The following CAMKMT variants were observed in gnomAD, a reference collection of about 807,000 sequenced individuals.
CAMKMT encodes calmodulin-lysine N-methyltransferase, also known as CaM KMT.
A neutral mutation model predicts 48.0 loss-of-function variants in CAMKMT; 53 were observed. The observed-to-expected ratio is 1.10, with a 90% CI of 0.89 to 1.39. The LOEUF (loss-of-function observed/expected upper bound fraction) is 1.39. Ranked by LOEUF, CAMKMT falls within the 40% of genes most tolerant of loss-of-function variation. CAMKMT has a pLI of 0.00. For missense variants in CAMKMT, 428 were observed against 402.7 expected (o/e 1.06, Z -0.54); for synonymous variants, 165 against 152.3 (o/e 1.08, Z -0.61).
rs141623387 is a variant in CAMKMT at position 44,670,330 on chromosome 2, A to G, written c.377-33953A>G. ...TGTGGTGGCTCCACCTATAATCTCA[A>G]TACTTTTGGAGGCTGAGGCAGGAGG... On this transcript the variant is annotated intron_variant, in intron 3 of 10. Coordinates refer to ENST00000378494, the MANE Select transcript of CAMKMT (RefSeq NM_024766.5). 3.9e-5 allele frequency among the ~76,000 whole-genome samples: 6 copies of G among 152,202 alleles called. No homozygotes were observed. In the East Asian group the frequency reaches 9.7e-4, roughly 25 times the overall value.
intron 9 of CAMKMT, among the ~76,000 whole-genome samples, chr2:44,762,122 A>C (rs995260127): frequency 1.3e-5 from 2 of 152,254 alleles, no homozygotes; most frequent in Non-Finnish European, 2.9e-5. Flanking sequence ...AAGAGAAGCT[A>C]CAAAAGGAGA....
chr2:44,383,275 C>T (rs1386085524), intron 2 of CAMKMT, among the ~76,000 whole-genome samples: 2 of 152,120 alleles, frequency 1.3e-5, no homozygotes, highest in Non-Finnish European at 2.9e-5. Flanking sequence ...AGCAATTCTC[C>T]TGCCTCAGCC....
intron 3 of CAMKMT, among the ~76,000 whole-genome samples, chr2:44,547,933 C>T (rs1052468060): frequency 1.3e-5 from 2 of 152,134 alleles, no homozygotes; most frequent in African/African-American, 4.8e-5. Flanking sequence ...TCCTGCAGTA[C>T]TGTCTCTCAT....
rs985610060 is a variant in CAMKMT, at chr2:44,432,982, A to G, written c.376+42677A>G. ...GGTAAATGCTCAGTAAATATCAGCT[A>G]TAATAAAACATGACATAGTAATCAT... On this transcript the variant is annotated intron_variant, in intron 3 of 10. Coordinates refer to ENST00000378494, the MANE Select transcript of CAMKMT (RefSeq NM_024766.5). Among the ~76,000 whole-genome samples, 6 of 152,220 alleles carry G rather than the reference A, an allele frequency of 3.9e-5. No homozygotes were observed. The East Asian group carries it at 5.8e-4, about 15-fold the overall frequency.
At chr2:44,693,636 G>T in intron 3 of CAMKMT, among the ~76,000 whole-genome samples, 1 of 152,188 alleles carries the variant, frequency 6.6e-6, no homozygotes, top group East Asian at 1.9e-4. Flanking sequence ...AATATTTGAG[G>T]AGCATTCTGT....
intron 2 of CAMKMT, among the ~76,000 whole-genome samples, chr2:44,388,984 C>T (rs918160224): frequency 2.7e-4 from 41 of 152,126 alleles, no homozygotes; most frequent in Non-Finnish European, 2.9e-5. Context: ...GCTGGTTGAC[C>T]TCCTGCTGGG....
intron 3 of CAMKMT, among the ~76,000 whole-genome samples, chr2:44,482,658 T>C (rs543356302): frequency 6.6e-6 from 1 of 152,292 alleles, no homozygotes; most frequent in South Asian, 2.1e-4. Flanking sequence ...TCTTCAGACT[T>C]CTGGACCCTA....
At chr2:44,601,009 TTA>T (rs1392912183) in intron 3 of CAMKMT, among the ~76,000 whole-genome samples, 3 of 152,130 alleles carry the variant, frequency 2.0e-5, no homozygotes, top group Non-Finnish European at 2.9e-5. Flanking sequence ...TATCCTAAAT[TTA>T]GGGAGGGAAT....
chr2:44,704,964 A>G (rs141670822), intron 4 of CAMKMT, among the ~76,000 whole-genome samples: 60 of 152,276 alleles, frequency 3.9e-4, no homozygotes, highest in African/African-American at 1.3e-3. Flanking sequence ...TTTATTTGAA[A>G]ATTCTAAAGA....
intron 3 of CAMKMT, among the ~76,000 whole-genome samples, chr2:44,645,394 A>C (rs1673677467): frequency 6.6e-6 from 1 of 152,196 alleles, no homozygotes; most frequent in Non-Finnish European, 1.5e-5. Context: ...GATTAGTGTG[A>C]GGGTGAGCCC....
intron 3 of CAMKMT, among the ~76,000 whole-genome samples, chr2:44,660,615 T>C (rs114081627): frequency 0.015 from 2,208 of 152,262 alleles, 51 homozygotes; most frequent in African/African-American, 0.051. Context: ...GGCCAATATA[T>C]TTTTTTGTTT....
At chr2:44,767,964 AC>A (rs1466118674) in intron 10 of CAMKMT, among the ~76,000 whole-genome samples, 1 of 152,126 alleles carries the variant, frequency 6.6e-6, no homozygotes, top group Non-Finnish European at 1.5e-5. Context: ...GGGTTTCTCC[AC>A]CAGCAAAGAC....
chr2:44,738,091 T>C (rs1158572048), intron 7 of CAMKMT, among the ~76,000 whole-genome samples: 1 of 152,032 alleles, frequency 6.6e-6, no homozygotes, highest in South Asian at 2.1e-4. Context: ...CCTGACCTCA[T>C]GATCCACCCG....
At chr2:44,479,575 C>G (rs1668863451) in intron 3 of CAMKMT, among the ~76,000 whole-genome samples, 2 of 152,116 alleles carry the variant, frequency 1.3e-5, no homozygotes, top group South Asian at 4.1e-4. Flanking sequence ...ATTTCTGTCC[C>G]CAGTAGAGGG....
intron 7 of CAMKMT, among the ~76,000 whole-genome samples, chr2:44,728,837 T>G (rs964186171): frequency 6.9e-6 from 1 of 145,138 alleles, no homozygotes; most frequent in African/African-American, 2.5e-5. Context: ...AGGGGGTCTA[T>G]CCTTTTTTTT....
intron 3 of CAMKMT, among the ~76,000 whole-genome samples, chr2:44,649,992 A>G (rs17032484): frequency 0.017 from 2,660 of 152,318 alleles, 71 homozygotes; most frequent in African/African-American, 0.053. Flanking sequence ...AGCAAGAAAT[A>G]CAACTTCTCC....
At chr2:44,628,962 T>C (rs1672651624) in intron 3 of CAMKMT, among the ~76,000 whole-genome samples, 1 of 152,212 alleles carries the variant, frequency 6.6e-6, no homozygotes, top group Admixed American at 6.5e-5. Context: ...AAATGTTTCA[T>C]GTACACTTGA....
At chr2:44,532,440 C>G (rs779106377) in intron 3 of CAMKMT, among the ~76,000 whole-genome samples, 1 of 152,196 alleles carries the variant, frequency 6.6e-6, no homozygotes, top group Non-Finnish European at 1.5e-5. Context: ...TGCTTGCATG[C>G]TATAGCACTT....
Position 44,582,415 on chromosome 2 carries a change from T to G in CAMKMT, c.377-121868T>G, listed in dbSNP as rs79691654. On this transcript the variant is annotated intron_variant, in intron 3 of 10. Transcript: ENST00000378494. The stretch of plus-strand genomic sequence containing the variant: ...AAATAGATGAAGCGATACTTAAACA[T>G]AATTCTCCATTTCTAAATGCACTCA... Among the ~76,000 whole-genome samples the G allele has an allele frequency of 1.7e-4, 26 of 152,378 alleles. No individual in the cohort carries two copies. In the East Asian group the frequency reaches 4.4e-3, roughly 26 times the overall value.
Sources: gnomAD v4.1 joint callset for allele counts (sites outside exome capture counted in the v4.1 genomes callset) on GRCh38, gnomAD v4.1.1 for gene constraint, MANE v1.5 for transcripts, NCBI Gene and HGNC (gene_info 2026-07-23, HGNC 2026-07-21) for gene names.